The following AGBL4 variants were observed in gnomAD, a reference collection of about 807,000 sequenced individuals.
AGBL4 encodes the protein AGBL carboxypeptidase 4, also known as cytosolic carboxypeptidase 6.
A neutral mutation model predicts 66.4 loss-of-function variants in AGBL4; 58 were observed. The observed-to-expected ratio is 0.87, with a 90% CI of 0.71 to 1.09. The LOEUF is 1.09. Ranked by LOEUF, AGBL4 falls within the 50% of genes least tolerant of loss-of-function variation. The pLI, the probability that AGBL4 is intolerant of heterozygous loss-of-function variation, is 0.00. For missense variants in AGBL4, 579 were observed against 631.0 expected, an observed-to-expected ratio of 0.92 and a Z score of 0.88; for synonymous variants, 234 against 222.9, an observed-to-expected ratio of 1.05 and a Z score of -0.44.
In AGBL4 at chr1:49,182,701, C is replaced by T. The variant is rs368932186; in HGVS notation, c.377+63069G>A. Among the ~76,000 whole-genome samples, 49 of 151,328 alleles carry T rather than the reference C, an allele frequency of 3.2e-4. 1 individual carries two copies. In the South Asian group the frequency reaches 9.6e-3, roughly 30 times the overall value. ...TATAAGCTGTTTTTTTTTTCATCAT[C>T]CAGTCCTTGTCTCCTAGGGGTAAAA... On this transcript the variant is annotated intron_variant, in intron 4 of 13. Transcript: ENST00000371839.
chr1:49,551,826 G>A (rs1289640091), intron 3 of AGBL4, among the ~76,000 whole-genome samples: 1 of 152,194 alleles, frequency 6.6e-6, no homozygotes, highest in Non-Finnish European at 1.5e-5. Context: ...AGTATAGAGA[G>A]GAAACAGCAG....
At chr1:48,966,367 T>C (rs1421666171) in intron 5 of AGBL4, among the ~76,000 whole-genome samples, 1 of 152,156 alleles carries the variant, frequency 6.6e-6, no homozygotes. Context: ...CCTTATGTAG[T>C]TCTGCTAATG....
At chr1:49,634,465 G>C (rs1032342299) in intron 3 of AGBL4, among the ~76,000 whole-genome samples, 3 of 152,138 alleles carry the variant, frequency 2.0e-5, no homozygotes, top group Non-Finnish European at 4.4e-5. Flanking sequence ...GTCTATCATG[G>C]ATGGGCATTT....
intron 6 of AGBL4, among the ~76,000 whole-genome samples, chr1:48,811,754 G>T (rs1327342078): frequency 6.6e-6 from 1 of 152,006 alleles, no homozygotes; most frequent in Non-Finnish European, 1.5e-5. Flanking sequence ...GTGGCTTTTG[G>T]GTGCATATCT....
chr1:49,988,904 T>C lies in AGBL4; in HGVS notation c.34+34859A>G, dbSNP rs145776447. ...AAATGCTTCTGTCTCCAGCAAACCA[T>C]AGCACCTGAAATTCCCATTCGAGTA... On this transcript the variant is annotated intron_variant, in intron 1 of 13. Coordinates refer to ENST00000371839, the MANE Select transcript of AGBL4 (RefSeq NM_032785.4). 2.1e-3 allele frequency among the ~76,000 whole-genome samples: 319 copies of C among 152,256 alleles called. 11 individuals carry two copies. In the East Asian group the frequency reaches 0.052, roughly 25 times the overall value.
At chr1:49,331,176 T>C (rs1645325711) in intron 3 of AGBL4, among the ~76,000 whole-genome samples, 1 of 151,994 alleles carries the variant, frequency 6.6e-6, no homozygotes, top group Non-Finnish European at 1.5e-5. Flanking sequence ...GGAGGTTTAC[T>C]TACTCCTACC....
At chr1:49,023,597 CTACTA>C (rs767433089) in intron 5 of AGBL4, among the ~76,000 whole-genome samples, 5 of 152,138 alleles carry the variant, frequency 3.3e-5, no homozygotes, top group African/African-American at 4.8e-5. Context: ...TGACAGCACT[CTACTA>C]TATTAACTCT....
intron 5 of AGBL4, among the ~76,000 whole-genome samples, chr1:48,892,813 T>G (rs1651099508): frequency 6.6e-6 from 1 of 152,220 alleles, no homozygotes; most frequent in Non-Finnish European, 1.5e-5. Flanking sequence ...GATATTTTCC[T>G]CTAACCATTC....
chr1:49,178,396 A>G (rs1646869587), intron 4 of AGBL4, among the ~76,000 whole-genome samples: 1 of 152,172 alleles, frequency 6.6e-6, no homozygotes. Context: ...AGTTAATTTC[A>G]ATGATGTCAT....
intron 1 of AGBL4, among the ~76,000 whole-genome samples, chr1:49,966,770 A>T (rs1328166968): frequency 6.6e-6 from 1 of 152,186 alleles, no homozygotes; most frequent in Non-Finnish European, 1.5e-5. Flanking sequence ...ATTAACTATT[A>T]TCATAAAGCC....
chr1:48,577,316 G>A (rs1644669651), intron 11 of AGBL4, among the ~76,000 whole-genome samples: 3 of 152,210 alleles, frequency 2.0e-5, no homozygotes, highest in Admixed American at 6.5e-5. Flanking sequence ...TATTTTGACC[G>A]TAAGCTAACA....
At chr1:49,550,119 G>A (rs906911135) in intron 3 of AGBL4, among the ~76,000 whole-genome samples, 3 of 152,272 alleles carry the variant, frequency 2.0e-5, no homozygotes, top group Middle Eastern at 6.8e-3. Context: ...TACATTTGGT[G>A]TTCATATGCA....
intron 5 of AGBL4, among the ~76,000 whole-genome samples, chr1:48,941,161 A>G (rs1050082963): frequency 2.5e-4 from 38 of 152,242 alleles, no homozygotes; most frequent in Non-Finnish European, 1.0e-4. Flanking sequence ...GGCTCCTAGT[A>G]TAGTGAATAT....
intron 11 of AGBL4, among the ~76,000 whole-genome samples, chr1:48,549,485 G>A (rs1413616393): frequency 6.6e-6 from 1 of 152,024 alleles, no homozygotes; most frequent in Non-Finnish European, 1.5e-5. Flanking sequence ...AGAGGGAGAG[G>A]GAGAAAGAGA....
chr1:50,022,126 G>A (rs1023033614), intron 1 of AGBL4, among the ~76,000 whole-genome samples: 4 of 151,906 alleles, frequency 2.6e-5, no homozygotes, highest in African/African-American at 9.7e-5. Flanking sequence ...CAGTAATTCA[G>A]TTATTCATTT....
intron 1 of AGBL4, among the ~76,000 whole-genome samples, chr1:49,881,357 C>G: frequency 1.3e-5 from 2 of 152,116 alleles, no homozygotes; most frequent in Non-Finnish European, 2.9e-5. Context: ...ACGTGTGCAT[C>G]TGTCTTTACA....
At chr1:49,383,879 C>T (rs1003283615) in intron 3 of AGBL4, among the ~76,000 whole-genome samples, 13 of 151,936 alleles carry the variant, frequency 8.6e-5, no homozygotes, top group African/African-American at 2.2e-4. Flanking sequence ...TCATTGCGAC[C>T]GCCGCCTCCC....
intron 3 of AGBL4, among the ~76,000 whole-genome samples, chr1:49,674,700 A>C (rs896860699): frequency 8.6e-5 from 13 of 151,928 alleles, no homozygotes; most frequent in African/African-American, 3.1e-4. Flanking sequence ...CTAGATCTGC[A>C]GCTAACTGTT....
At chr1:49,677,938 A>G (rs962162124) in intron 3 of AGBL4, among the ~76,000 whole-genome samples, 1 of 152,174 alleles carries the variant, frequency 6.6e-6, no homozygotes, top group African/African-American at 2.4e-5. Context: ...GAAGTGTAAG[A>G]AAACAAATTT....
Sources: gnomAD v4.1 joint callset for allele counts (sites outside exome capture counted in the v4.1 genomes callset) on GRCh38, gnomAD v4.1.1 for gene constraint, MANE v1.5 for transcripts, NCBI Gene and HGNC (gene_info 2026-07-23, HGNC 2026-07-21) for gene names.